BCHE: variants seen among roughly 807,000 people sequenced by gnomAD.
The protein encoded by BCHE is cholinesterase.
Under a neutral mutation model 51.3 loss-of-function variants are expected in BCHE, and 48 were observed. That is an observed-to-expected ratio of 0.94 (90% CI 0.74 to 1.19). The LOEUF is 1.19. Ranked by LOEUF, BCHE falls within the 50% of genes most tolerant of loss-of-function variation. BCHE has a pLI of 0.00. For synonymous variants in BCHE, 251 were observed against 238.0 expected (o/e 1.05, Z -0.50); for missense variants, 847 against 708.2 (o/e 1.20, Z -2.23).
chr3:165,831,374 C>CA (rs1190882523), intron 1 of BCHE, among the ~76,000 whole-genome samples: 1 of 151,990 alleles, frequency 6.6e-6, no homozygotes, highest in Non-Finnish European at 1.5e-5. Flanking sequence ...ACAGCTCCAC[C>CA]AAAAAAGCAG....
At position 165,830,162 on chromosome 3, in the gene BCHE, C is replaced by T; in HGVS notation, c.872G>A (p.Cys291Tyr). ...TTCTTGGGGATCTTTATTTCTAAGA[C>T]ACTTGATTATTTCAGTCTCATTCTC... is the stretch of plus-strand genomic sequence containing the variant. ...SRENETEIIK[C>Y]LRNKDPQEIL... The change falls in exon 2 of 4, where the codon TGT (cysteine) becomes TAT (tyrosine). Residue 291 changes from cysteine to tyrosine, a missense_variant. Physicochemically the swap from Cys to Tyr is radical, Grantham distance 194 (BLOSUM62 -2). Coordinates refer to ENST00000264381, the MANE Select transcript of BCHE (RefSeq NM_000055.4). The T allele has an allele frequency of 1.2e-6, 2 of 1,613,938 alleles. No homozygotes were observed. The highest frequency in any genetic ancestry group is 1.7e-6 in the Non-Finnish European group (2 of 1,179,914).
intron 2 of BCHE, among the ~76,000 whole-genome samples, chr3:165,799,018 T>C (rs1713534891): frequency 6.6e-6 from 1 of 152,190 alleles, no homozygotes; most frequent in Non-Finnish European, 1.5e-5. Context: ...TGTGGGTGAC[T>C]AGCTCATCTC....
chr3:165,811,197 TG>T (rs1277922009), intron 2 of BCHE, among the ~76,000 whole-genome samples: 4 of 152,068 alleles, frequency 2.6e-5, no homozygotes, highest in Non-Finnish European at 4.4e-5. Context: ...AAATTATAGG[TG>T]AATTTAAAAT....
At chr3:165,786,487 A>T (rs922910499) in intron 2 of BCHE, among the ~76,000 whole-genome samples, 176 bp from the exon 3 acceptor site, 1 of 151,890 alleles carries the variant, frequency 6.6e-6, no homozygotes, top group African/African-American at 2.4e-5. Context: ...GAGCACTGAG[A>T]ACCACTATGT....
intron 2 of BCHE, among the ~76,000 whole-genome samples, chr3:165,794,876 A>G (rs1443673571): frequency 6.6e-6 from 1 of 152,110 alleles, no homozygotes; most frequent in East Asian, 1.9e-4. Flanking sequence ...ATATTATAAC[A>G]TACAAATGAA....
intron 2 of BCHE, among the ~76,000 whole-genome samples, chr3:165,828,441 A>T (rs1714813632): frequency 6.6e-6 from 1 of 152,172 alleles, no homozygotes. Context: ...CATTTTGAAA[A>T]GAATTGTACA....
intron 3 of BCHE, among the ~76,000 whole-genome samples, chr3:165,777,183 G>A (rs530789422): frequency 1.3e-5 from 2 of 151,816 alleles, no homozygotes; most frequent in African/African-American, 4.8e-5. Context: ...CTTCATTCTT[G>A]TAGAATTTCA....
At chr3:165,831,320 A>G (rs1714979139) in intron 1 of BCHE, among the ~76,000 whole-genome samples, 1 of 152,176 alleles carries the variant, frequency 6.6e-6, no homozygotes, top group African/African-American at 2.4e-5. Context: ...TTTTAAATAG[A>G]ATGTTTGTCC....
chr3:165,786,094 T>G, intron 3 of BCHE, 51 bp downstream of exon 3: 1 of 1,571,246 alleles, frequency 6.4e-7, no homozygotes, highest in Non-Finnish European at 8.7e-7. Context: ...TCATCCCTTT[T>G]TTACATAACC....
rs1336179753 is a variant in BCHE, at chr3:165,831,717, T to C, written c.-8-676A>G. ...AAATTGTAAAAACTAACAAACATGC[T>C]ACCACTAGTAAGGGCTATGGAAAAA... On this transcript the variant is annotated intron_variant, in intron 1 of 3. Transcript: ENST00000264381. Among the ~76,000 whole-genome samples the C allele has an allele frequency of 2.6e-5, 4 of 152,166 alleles. No homozygotes were observed. In the South Asian group the frequency reaches 6.2e-4, roughly 24 times the overall value.
chr3:165,798,570 G>T, intron 2 of BCHE, among the ~76,000 whole-genome samples: 1 of 152,096 alleles, frequency 6.6e-6, no homozygotes, highest in Non-Finnish European at 1.5e-5. Context: ...AATGGCTGAG[G>T]TAGGTGAATT....
chr3:165,810,315 T>A (rs201081389), intron 2 of BCHE, among the ~76,000 whole-genome samples: 1 of 152,162 alleles, frequency 6.6e-6, no homozygotes, highest in Non-Finnish European at 1.5e-5. Context: ...AAGTTTTCCA[T>A]ATTATCCCTC....
chr3:165,818,996 G>C (rs985624292), intron 2 of BCHE, among the ~76,000 whole-genome samples: 7 of 151,502 alleles, frequency 4.6e-5, no homozygotes, highest in Non-Finnish European at 8.8e-5. Context: ...TCAATTAAAA[G>C]TCAAGGCCTT....
intron 2 of BCHE, among the ~76,000 whole-genome samples, chr3:165,821,707 C>A (rs1270335289): frequency 6.6e-6 from 1 of 151,644 alleles, no homozygotes; most frequent in African/African-American, 2.4e-5. Context: ...AAATTGATTC[C>A]TTTAGGAATC....
At chr3:165,815,226 G>C (rs1714265548) in intron 2 of BCHE, among the ~76,000 whole-genome samples, 1 of 139,214 alleles carries the variant, frequency 7.2e-6, no homozygotes, top group Admixed American at 8.0e-5. Context: ...CAAGGAGATA[G>C]GTATTAACAC....
Position 165,830,385 on chromosome 3 carries a change from G to C in BCHE, c.649C>G (p.Pro217Ala), listed in dbSNP as rs1340162283. 1 of 1,613,862 alleles carries C rather than the reference G, an allele frequency of 6.2e-7. No individual in the cohort carries two copies. Among genetic ancestry groups the C allele is most frequent in the Non-Finnish European group, 8.5e-7 (1 of 1,179,930 alleles). ...TCTCCAAAGAGAGTTACACTTTTAG[G>C]ATTTCCACCAAAGGCTGCTATATTT... ...QKNIAAFGGN[P>A]KSVTLFGESA... The change falls in exon 2 of 4, where the codon CCT becomes GCT. Residue 217 changes from proline to alanine, a missense_variant. Coordinates refer to ENST00000264381, the MANE Select transcript of BCHE (RefSeq NM_000055.4).
chr3:165,776,594 G>A lies in BCHE; in HGVS notation c.1685-3088C>T, dbSNP rs565870677. ...TTCACAGGTCAAATATTGATGTGAC[G>A]TTTTCTTTAAACAAGATAAAAATTA... On this transcript the variant is annotated intron_variant, in intron 3 of 3. Transcript: ENST00000264381. Among the ~76,000 whole-genome samples the A allele has an allele frequency of 7.2e-5, 11 of 151,870 alleles. 1 individual carries two copies. Among genetic ancestry groups the A allele is most frequent in the South Asian group, 6.2e-4 (3 of 4,830 alleles).
intron 3 of BCHE, chr3:165,777,772 T>C: frequency 2.2e-6 from 1 of 451,526 alleles, no homozygotes; most frequent in South Asian, 1.6e-5. Context: ...AACAGCTCCT[T>C]TTCCCCTCCT....
chr3:165,776,354 A>G (rs1303356020), intron 3 of BCHE, among the ~76,000 whole-genome samples: 4 of 151,962 alleles, frequency 2.6e-5, no homozygotes, highest in Non-Finnish European at 5.9e-5. Flanking sequence ...ATGAATTCAG[A>G]GATACAAAGA....
Sources: allele counts gnomAD v4.1 joint callset (sites outside exome capture counted in the v4.1 genomes callset), GRCh38; gene constraint gnomAD v4.1.1; transcripts MANE v1.5; gene names NCBI Gene and HGNC (gene_info 2026-07-23, HGNC 2026-07-21).